Variants in PPP2R2B observed in about 807,000 individuals in gnomAD.
The protein encoded by PPP2R2B is protein phosphatase 2 regulatory subunit Bbeta, also known as serine/threonine-protein phosphatase 2A 55 kDa regulatory subunit B beta isoform.
In PPP2R2B, 5 loss-of-function variants were observed where a neutral mutation model predicts 46.0. The observed-to-expected ratio is 0.11, with a 90% CI of 0.06 to 0.23. PPP2R2B has a LOEUF of 0.23. Ranked by LOEUF, PPP2R2B falls within the 10% of genes least tolerant of loss-of-function variation. The probability of loss-of-function intolerance (pLI) is 1.00; values close to 1 mark genes in which losing one functional copy is unlikely to be tolerated. For missense variants in PPP2R2B, 367 were observed against 575.0 expected, an observed-to-expected ratio of 0.64 and a Z score of 3.70; for synonymous variants, 215 against 206.7, an observed-to-expected ratio of 1.04 and a Z score of -0.34.
intron 2 of PPP2R2B, among the ~76,000 whole-genome samples, chr5:146,732,201 A>G (rs570432788): frequency 9.8e-5 from 15 of 152,344 alleles, no homozygotes; most frequent in Middle Eastern, 3.4e-3. Flanking sequence ...GTCACTCCAC[A>G]TAGGGCTGAG....
At chr5:146,741,476 A>T (rs114600489) in intron 2 of PPP2R2B, among the ~76,000 whole-genome samples, 4 of 152,086 alleles carry the variant, frequency 2.6e-5, no homozygotes, top group Non-Finnish European at 5.9e-5. Flanking sequence ...GGAGGGTGAA[A>T]CACTCCCGGT....
intron 1 of PPP2R2B, among the ~76,000 whole-genome samples, chr5:146,943,088 C>T (rs992719480): frequency 2.0e-5 from 3 of 152,144 alleles, no homozygotes; most frequent in Non-Finnish European, 4.4e-5. Flanking sequence ...TGAACTACTA[C>T]GCCCGGCCCA....
chr5:146,867,959 C>A (rs541758350), intron 2 of PPP2R2B, among the ~76,000 whole-genome samples: 56 of 152,280 alleles, frequency 3.7e-4, no homozygotes, highest in African/African-American at 1.3e-3. Flanking sequence ...GAGTTTATAA[C>A]CCCCACCATG....
intron 2 of PPP2R2B, among the ~76,000 whole-genome samples, chr5:146,729,723 G>T (rs768152010): frequency 8.5e-5 from 13 of 152,238 alleles, no homozygotes; most frequent in Non-Finnish European, 1.9e-4. Flanking sequence ...AGCCTTGGCA[G>T]CTTCCATGTG....
intron 1 of PPP2R2B, among the ~76,000 whole-genome samples, chr5:146,918,742 C>G (rs188540474): frequency 6.6e-6 from 1 of 152,300 alleles, no homozygotes; most frequent in Non-Finnish European, 1.5e-5. Flanking sequence ...TCCCTTGTAA[C>G]CACATTTCTC....
At chr5:147,072,610 T>C (rs890649399) in intron 2 of PPP2R2B, among the ~76,000 whole-genome samples, 41 of 152,266 alleles carry the variant, frequency 2.7e-4, no homozygotes. Context: ...CTGCCTCATA[T>C]CTTAGTGTTG....
At chr5:146,698,297 T>TA (rs1779304642) in intron 3 of PPP2R2B, among the ~76,000 whole-genome samples, 153 bp from the exon 4 acceptor site, 1 of 8,930 alleles carries the variant, frequency 1.1e-4, no homozygotes. Flanking sequence ...CTAGCACCTC[T>TA]GAAAAAAAAA....
intron 5 of PPP2R2B, among the ~76,000 whole-genome samples, chr5:146,686,501 G>A (rs1778508832): frequency 6.6e-6 from 1 of 152,110 alleles, no homozygotes; most frequent in Non-Finnish European, 1.5e-5. Context: ...AGGACTATGT[G>A]ATATTAAGGA....
At chr5:146,863,889 T>C (rs947308134) in intron 2 of PPP2R2B, among the ~76,000 whole-genome samples, 1 of 152,142 alleles carries the variant, frequency 6.6e-6, no homozygotes, top group African/African-American at 2.4e-5. Context: ...CAAAGACTGC[T>C]GAAATGCAGA....
chr5:146,656,243 A>G (rs964737642), intron 5 of PPP2R2B, among the ~76,000 whole-genome samples: 13 of 152,070 alleles, frequency 8.5e-5, no homozygotes, highest in African/African-American at 4.8e-5. Context: ...GGAGTGGGGT[A>G]TGAACAGAGA....
At chr5:146,605,624 C>T (rs1177287486) in intron 7 of PPP2R2B, among the ~76,000 whole-genome samples, 1 of 152,210 alleles carries the variant, frequency 6.6e-6, no homozygotes, top group Non-Finnish European at 1.5e-5. Flanking sequence ...CTCCATCTGC[C>T]CACATGTGGC....
At chr5:146,777,184 G>T (rs1021478828) in intron 2 of PPP2R2B, among the ~76,000 whole-genome samples, 2 of 152,074 alleles carry the variant, frequency 1.3e-5, no homozygotes, top group African/African-American at 4.8e-5. Flanking sequence ...CAATGTTCAT[G>T]CAGCATTATT....
In PPP2R2B at chr5:146,741,480, T is replaced by C. The variant is rs143327125; in HGVS notation, c.71-40338A>G. ...TTTCTAGGAGTGGAGGGTGAAACAC[T>C]CCCGGTGTCCTTGTAGATGGCATGC... On this transcript the variant is annotated intron_variant, in intron 2 of 9. Transcript: ENST00000394411. 4.7e-3 allele frequency among the ~76,000 whole-genome samples: 709 copies of C among 152,282 alleles called. 5 individuals are homozygous for C. Among genetic ancestry groups the C allele is most frequent in the African/African-American group, 0.016 (677 of 41,562 alleles).
chr5:146,841,489 C>T (rs1466562627), intron 2 of PPP2R2B, among the ~76,000 whole-genome samples: 1 of 152,162 alleles, frequency 6.6e-6, no homozygotes, highest in East Asian at 1.9e-4. Context: ...TCCCAAACTT[C>T]CCTATGGGCA....
Position 146,581,165 on chromosome 5 carries a change from T to C in PPP2R2B, c.*8782A>G, listed in dbSNP as rs571225879. 1 of 152,328 alleles carries C rather than the reference T, an allele frequency of 6.6e-6. No homozygotes were observed. Among genetic ancestry groups the C allele is most frequent in the East Asian group, 1.9e-4 (1 of 5,186 alleles). 9.4% of individuals were successfully genotyped at this position (152,328 alleles called of 1,614,324 possible). A position where few individuals can be genotyped will look rare whatever the true frequency, so the allele number is the denominator to read the frequency against. ...TAATTTGTAAAGGAATGAGGTTTAA[T>C]TGGCTCATGGTTCCACAGGCTGTAC... On this transcript the variant is annotated 3_prime_UTR_variant, in exon 10 of 10. Coordinates refer to ENST00000394411, the MANE Select transcript of PPP2R2B (RefSeq NM_181675.4).
intron 8 of PPP2R2B, among the ~76,000 whole-genome samples, chr5:146,598,325 T>C (rs1281787338): frequency 6.6e-6 from 1 of 152,224 alleles, no homozygotes; most frequent in Non-Finnish European, 1.5e-5. Flanking sequence ...ACTCCTCTCA[T>C]CTCACTGGCT....
At chr5:146,658,660 G>C (rs184789756) in intron 5 of PPP2R2B, among the ~76,000 whole-genome samples, 2 of 152,218 alleles carry the variant, frequency 1.3e-5, no homozygotes, top group East Asian at 3.9e-4. Context: ...GATCTTCTCA[G>C]GAGTACCCAC....
intron 6 of PPP2R2B, among the ~76,000 whole-genome samples, chr5:146,645,004 G>A (rs979215253): frequency 6.6e-6 from 1 of 152,182 alleles, no homozygotes; most frequent in Non-Finnish European, 1.5e-5. Flanking sequence ...GCAGGGCTGA[G>A]TATTATAAAC....
At position 146,871,073 on chromosome 5, in the gene PPP2R2B, G is replaced by C. The variant is rs1016084788; in HGVS notation, c.70+6929C>G. ...GCTTTCTGCGAGATAGTTATGTTGG[G>C]GCTGACTTTCAGCCTGATTCTAGAG... On this transcript the variant is annotated intron_variant, in intron 2 of 9. Coordinates refer to ENST00000394411, the MANE Select transcript of PPP2R2B (RefSeq NM_181675.4). Among the ~76,000 whole-genome samples, 11 of 152,138 alleles carry C rather than the reference G, an allele frequency of 7.2e-5. 1 individual carries two copies. Among genetic ancestry groups the C allele is most frequent in the Non-Finnish European group, 1.2e-4 (8 of 68,028 alleles).
Sources: allele counts gnomAD v4.1 joint callset (sites outside exome capture counted in the v4.1 genomes callset), GRCh38; gene constraint gnomAD v4.1.1; transcripts MANE v1.5; gene names NCBI Gene and HGNC (gene_info 2026-07-23, HGNC 2026-07-21).